Variants in UBE2E2 observed in about 807,000 individuals in gnomAD.
UBE2E2 encodes ubiquitin conjugating enzyme E2 E2, also known as ubiquitin-conjugating enzyme E2 E2.
A neutral mutation model predicts 24.7 loss-of-function variants in UBE2E2; 6 were observed. The ratio of observed to expected loss-of-function variants is 0.24; its 90% CI spans 0.13 to 0.48. The LOEUF (loss-of-function observed/expected upper bound fraction) is 0.48, where lower values mean the gene tolerates loss of function less well. UBE2E2 is among the 20% of genes least tolerant of loss of function. The pLI, the probability that UBE2E2 is intolerant of heterozygous loss-of-function variation, is 0.99. For missense variants in UBE2E2, 169 were observed against 245.0 expected, an observed-to-expected ratio of 0.69 and a Z score of 2.07; for synonymous variants, 104 against 83.6, an observed-to-expected ratio of 1.24 and a Z score of -1.33.
intron 3 of UBE2E2, among the ~76,000 whole-genome samples, chr3:23,238,747 T>G (rs1697181577): frequency 6.6e-6 from 1 of 152,174 alleles, no homozygotes; most frequent in African/African-American, 2.4e-5. Context: ...CTTATACACA[T>G]AGCCTGAAGG....
intron 3 of UBE2E2, among the ~76,000 whole-genome samples, chr3:23,278,726 C>G (rs1377649630): frequency 6.6e-6 from 1 of 152,008 alleles, no homozygotes; most frequent in Admixed American, 6.6e-5. Flanking sequence ...AAATTATAAA[C>G]TAATAAAATG....
intron 3 of UBE2E2, among the ~76,000 whole-genome samples, chr3:23,313,296 A>C (rs768732773): frequency 2.0e-5 from 3 of 149,714 alleles, no homozygotes; most frequent in Non-Finnish European, 4.5e-5. Context: ...TTCCATTTGC[A>C]TGGAATATTT....
At chr3:23,421,025 TTAA>T (rs1264455843) in intron 3 of UBE2E2, among the ~76,000 whole-genome samples, 2 of 152,242 alleles carry the variant, frequency 1.3e-5, no homozygotes, top group Admixed American at 6.5e-5. Context: ...AAGATTTGAC[TTAA>T]TAATAGGGAG....
chr3:23,484,756 T>A (rs2125444659), intron 3 of UBE2E2, among the ~76,000 whole-genome samples: 1 of 152,182 alleles, frequency 6.6e-6, no homozygotes, highest in Non-Finnish European at 1.5e-5. Context: ...CAAAGGCAGG[T>A]CTTACATGGT....
intron 3 of UBE2E2, among the ~76,000 whole-genome samples, chr3:23,353,792 G>A (rs935549760): frequency 6.0e-5 from 9 of 149,534 alleles, no homozygotes; most frequent in African/African-American, 1.5e-4. Flanking sequence ...AATCAATATC[G>A]TGAAAATGGC....
chr3:23,551,106 T>C (rs886960680), intron 5 of UBE2E2, among the ~76,000 whole-genome samples: 3 of 152,204 alleles, frequency 2.0e-5, no homozygotes, highest in African/African-American at 7.2e-5. Flanking sequence ...TGGAATAAGG[T>C]ACAACATTCT....
intron 3 of UBE2E2, among the ~76,000 whole-genome samples, chr3:23,344,157 G>T (rs1194828095): frequency 1.3e-5 from 2 of 152,024 alleles, no homozygotes; most frequent in Non-Finnish European, 2.9e-5. Context: ...ATTTGGGGAT[G>T]TCTAATCATG....
chr3:23,276,069 A>C (rs751906479), intron 3 of UBE2E2, among the ~76,000 whole-genome samples: 2 of 152,086 alleles, frequency 1.3e-5, no homozygotes, highest in Non-Finnish European at 2.9e-5. Flanking sequence ...TTTAAAAAAA[A>C]TTTCTATGTC....
At chr3:23,248,669 T>C (rs1697487123) in intron 3 of UBE2E2, among the ~76,000 whole-genome samples, 2 of 152,172 alleles carry the variant, frequency 1.3e-5, no homozygotes, top group African/African-American at 4.8e-5. Flanking sequence ...GTGAGAGTCA[T>C]TCAGCCATTC....
At chr3:23,339,526 A>G (rs1471712983) in intron 3 of UBE2E2, among the ~76,000 whole-genome samples, 1 of 152,106 alleles carries the variant, frequency 6.6e-6, no homozygotes, top group Non-Finnish European at 1.5e-5. Context: ...TGCTTTGTAA[A>G]GTCTGAAATT....
intron 3 of UBE2E2, among the ~76,000 whole-genome samples, chr3:23,384,670 G>C (rs1406232510): frequency 6.6e-6 from 1 of 152,146 alleles, no homozygotes; most frequent in East Asian, 1.9e-4. Flanking sequence ...AGCCTCCCGA[G>C]TAGCTGGGAC....
Position 23,258,267 on chromosome 3 carries a change from A to G in UBE2E2, c.227+40955A>G, listed in dbSNP as rs75796364. 6.6e-4 allele frequency among the ~76,000 whole-genome samples: 100 copies of G among 152,360 alleles called. 5 individuals carry two copies. The East Asian group carries it at 0.016, about 24-fold the overall frequency. On this transcript the variant is annotated intron_variant, in intron 3 of 5. Coordinates refer to ENST00000396703, the MANE Select transcript of UBE2E2 (RefSeq NM_152653.4). ...ATGGTGACTAGCAGATATTTTCGGT[A>G]GGACAAAAAGGGAGAGCGATGTCAC... is the stretch of plus-strand genomic sequence containing the variant.
At chr3:23,547,178 A>G (rs1209389664) in intron 5 of UBE2E2, among the ~76,000 whole-genome samples, 1 of 152,232 alleles carries the variant, frequency 6.6e-6, no homozygotes, top group Admixed American at 6.5e-5. Context: ...CAAGAGAGGA[A>G]TAACTGTGTC....
chr3:23,375,711 A>G (rs1017023800), intron 3 of UBE2E2, among the ~76,000 whole-genome samples: 14 of 152,308 alleles, frequency 9.2e-5, no homozygotes, highest in African/African-American at 3.4e-4. Flanking sequence ...TTTCTATATA[A>G]AGAATCAGGA....
At chr3:23,544,802 G>A (rs1426162221) in intron 5 of UBE2E2, among the ~76,000 whole-genome samples, 1 of 152,204 alleles carries the variant, frequency 6.6e-6, no homozygotes, top group Non-Finnish European at 1.5e-5. Context: ...AGCATATGGA[G>A]GATCCCGCCA....
intron 3 of UBE2E2, among the ~76,000 whole-genome samples, chr3:23,486,843 T>C (rs1699384128): frequency 6.6e-6 from 1 of 152,198 alleles, no homozygotes. Flanking sequence ...TTCGACTGGC[T>C]AAAAGGCGTC....
In UBE2E2 at chr3:23,281,216, G is replaced by A. The variant is rs188263500; in HGVS notation, c.227+63904G>A. 6.3e-4 allele frequency among the ~76,000 whole-genome samples: 96 copies of A among 152,226 alleles called. 1 individual carries two copies. In the East Asian group the frequency reaches 8.5e-3, roughly 13 times the overall value. ...GCAGAGGTAACACTTACGTTAGTGA[G>A]GAAGAATTTTTAAAGATTTCATGTT... On this transcript the variant is annotated intron_variant, in intron 3 of 5. Transcript: ENST00000396703.
At chr3:23,268,974 TG>T (rs1365929324) in intron 3 of UBE2E2, among the ~76,000 whole-genome samples, 2 of 151,872 alleles carry the variant, frequency 1.3e-5, no homozygotes, top group Non-Finnish European at 2.9e-5. Context: ...ATTTAATAAA[TG>T]GTGCTGGGAA....
At chr3:23,250,340 T>G (rs1697539253) in intron 3 of UBE2E2, among the ~76,000 whole-genome samples, 2 of 152,332 alleles carry the variant, frequency 1.3e-5, no homozygotes, top group South Asian at 4.1e-4. Context: ...CTACTCCAGT[T>G]CCTTGAAGTG....
Sources: allele counts gnomAD v4.1 joint callset (sites outside exome capture counted in the v4.1 genomes callset), GRCh38; gene constraint gnomAD v4.1.1; transcripts MANE v1.5; gene names NCBI Gene and HGNC (gene_info 2026-07-23, HGNC 2026-07-21).